The following MUSK variants were observed in gnomAD, a reference collection of about 807,000 sequenced individuals.
MUSK encodes the protein muscle associated receptor tyrosine kinase.
In MUSK, 55 loss-of-function variants were observed where a neutral mutation model predicts 88.7. The ratio of observed to expected loss-of-function variants is 0.62; its 90% CI spans 0.50 to 0.78. The LOEUF is 0.78. Ranked by LOEUF, MUSK falls within the 30% of genes least tolerant of loss-of-function variation. MUSK has a pLI of 0.00. For synonymous variants in MUSK, 387 were observed against 391.9 expected (o/e 0.99, Z 0.15); for missense variants, 1,015 against 1,074.3 (o/e 0.94, Z 0.77).
intron 6 of MUSK, among the ~76,000 whole-genome samples, chr9:110,743,046 C>T (rs1042555403): frequency 9.8e-5 from 15 of 152,290 alleles, no homozygotes; most frequent in African/African-American, 2.9e-4. Context: ...CAAAGACGAA[C>T]GCAGAGCTGG....
intron 2 of MUSK, among the ~76,000 whole-genome samples, chr9:110,686,492 C>A (rs1810602521): frequency 6.6e-6 from 1 of 152,136 alleles, no homozygotes; most frequent in Admixed American, 6.6e-5. Context: ...ATTGCTGCTT[C>A]TCTTCCTATT....
intron 9 of MUSK, among the ~76,000 whole-genome samples, chr9:110,769,364 A>G (rs2077533462): frequency 1.3e-5 from 2 of 152,154 alleles, no homozygotes; most frequent in South Asian, 2.1e-4. Flanking sequence ...GAGTAATATA[A>G]TTTGTTTATT....
rs144338094 is a variant in MUSK at position 110,674,587 on chromosome 9, A to AGAT, written c.79+5626_79+5628dup. On this transcript the variant is annotated intron_variant, in intron 1 of 14. Transcript: ENST00000374448. ...TTATTTCCTTAGGATAGATTCCCAGAGATGATGATGATGATGATGATGATA... is the reference window on the plus strand; with the variant it reads ...TTATTTCCTTAGGATAGATTCCCAGAGATGATGATGATGATGATGATGATGATA... Among the ~76,000 whole-genome samples the AGAT allele has an allele frequency of 2.9e-3, 439 of 151,858 alleles. 1 individual carries two copies. The highest frequency in any genetic ancestry group is 9.9e-3 in the African/African-American group (412 of 41,418).
chr9:110,731,779 T>C (rs1407460487), intron 5 of MUSK, among the ~76,000 whole-genome samples: 1 of 152,104 alleles, frequency 6.6e-6, no homozygotes, highest in Non-Finnish European at 1.5e-5. Flanking sequence ...GTTAAATTAA[T>C]TCCAAAGTCA....
At chr9:110,729,610 T>C (rs375016555) in intron 5 of MUSK, among the ~76,000 whole-genome samples, 1 of 152,024 alleles carries the variant, frequency 6.6e-6, no homozygotes, top group South Asian at 2.1e-4. Flanking sequence ...TTTTACCTGG[T>C]CCTATGTGAA....
chr9:110,786,310 C>CAAAA (rs60666436), intron 13 of MUSK, among the ~76,000 whole-genome samples: 1 of 75,494 alleles, frequency 1.3e-5, no homozygotes, highest in Admixed American at 1.5e-4. Context: ...GACTCTGTCT[C>CAAAA]AAAAAAAAAA....
chr9:110,804,855 CAGGT>C lies in MUSK; in HGVS notation c.*3873_*3876del, dbSNP rs2132079294. Reference sequence around the variant, plus strand: ...ATTCTTCCAGGCTTTTTCAGATAGACAGGTAGGTAAGTAGGTTGGTAGGTAAATA... The same window carrying C: ...ATTCTTCCAGGCTTTTTCAGATAGACAGGTAAGTAGGTTGGTAGGTAAATA... On this transcript the variant is annotated 3_prime_UTR_variant, in exon 15 of 15. Transcript: ENST00000374448. Among the ~76,000 whole-genome samples the C allele has an allele frequency of 6.6e-6, 1 of 151,822 alleles. No individual in the cohort carries two copies. The highest frequency in any genetic ancestry group is 2.1e-4 in the South Asian group (1 of 4,816).
chr9:110,685,591 T>C (rs918780695), intron 2 of MUSK, among the ~76,000 whole-genome samples: 9 of 152,196 alleles, frequency 5.9e-5, no homozygotes, highest in Non-Finnish European at 2.9e-5. Context: ...ACCATTCAGC[T>C]AAGTTCTCTG....
Position 110,721,679 on chromosome 9 carries a change from A to G in MUSK, c.629-12572A>G, listed in dbSNP as rs556188819. On this transcript the variant is annotated intron_variant, in intron 5 of 14. Transcript: ENST00000374448. ...ATGACCATACTGCCTAAAGCAATCT[A>G]TAATTCAATGCAATTCCCATGGAAA... Among the ~76,000 whole-genome samples, 4 of 152,302 alleles carry G rather than the reference A, an allele frequency of 2.6e-5. No individual in the cohort carries two copies. The South Asian group carries it at 8.3e-4, about 32-fold the overall frequency.
chr9:110,724,040 T>C (rs891345919), intron 5 of MUSK, among the ~76,000 whole-genome samples: 11 of 152,076 alleles, frequency 7.2e-5, no homozygotes, highest in Non-Finnish European at 1.6e-4. Context: ...GATTCATTAA[T>C]TCTTCACTTG....
chr9:110,736,292 A>T (rs2077029337), intron 6 of MUSK, among the ~76,000 whole-genome samples: 1 of 151,918 alleles, frequency 6.6e-6, no homozygotes, highest in African/African-American at 2.4e-5. Flanking sequence ...AAAATTTTAA[A>T]TTAAGAAACA....
intron 14 of MUSK, among the ~76,000 whole-genome samples, chr9:110,789,471 G>C (rs2077935333): frequency 2.6e-5 from 4 of 152,262 alleles, no homozygotes; most frequent in Admixed American, 1.3e-4. Context: ...GGAGAGAGTG[G>C]GAATTCATTT....
chr9:110,779,663 T>C (rs960495169), intron 11 of MUSK, among the ~76,000 whole-genome samples: 10 of 152,196 alleles, frequency 6.6e-5, no homozygotes, highest in African/African-American at 2.4e-4. Flanking sequence ...TTTATGAGTA[T>C]AGATTAAACT....
intron 13 of MUSK, among the ~76,000 whole-genome samples, chr9:110,786,598 T>G (rs2077871075): frequency 2.0e-5 from 3 of 152,166 alleles, no homozygotes; most frequent in African/African-American, 7.2e-5. Flanking sequence ...TTTCTTACAT[T>G]GTTTTAAATA....
At chr9:110,769,114 G>A (rs912276442) in intron 9 of MUSK, among the ~76,000 whole-genome samples, 4 of 152,092 alleles carry the variant, frequency 2.6e-5, no homozygotes, top group Non-Finnish European at 5.9e-5. Flanking sequence ...CACACTCATG[G>A]AATATGTCAG....
At chr9:110,720,694 A>G (rs1354819218) in intron 5 of MUSK, among the ~76,000 whole-genome samples, 1 of 152,174 alleles carries the variant, frequency 6.6e-6, no homozygotes, top group Non-Finnish European at 1.5e-5. Flanking sequence ...TCCTATTGAC[A>G]CTATTCCACA....
chr9:110,703,390 C>T (rs553322276), intron 5 of MUSK, among the ~76,000 whole-genome samples: 166 of 151,884 alleles, frequency 1.1e-3, no homozygotes, highest in African/African-American at 2.7e-3. Context: ...ATTAGCCGGG[C>T]GTGGTGGTGC....
At chr9:110,702,758 T>C (rs1035078289) in intron 5 of MUSK, among the ~76,000 whole-genome samples, 21 of 152,156 alleles carry the variant, frequency 1.4e-4, no homozygotes, top group African/African-American at 5.1e-4. Flanking sequence ...CCAGGTGTGG[T>C]GGTACATGCC....
chr9:110,669,685 C>T (rs2075932855), intron 1 of MUSK, among the ~76,000 whole-genome samples: 1 of 152,080 alleles, frequency 6.6e-6, no homozygotes, highest in African/African-American at 2.4e-5. Flanking sequence ...CAAGAATGTC[C>T]AGTGATATAG....
Sources: allele counts gnomAD v4.1 joint callset (sites outside exome capture counted in the v4.1 genomes callset), GRCh38; gene constraint gnomAD v4.1.1; transcripts MANE v1.5; gene names NCBI Gene and HGNC (gene_info 2026-07-23, HGNC 2026-07-21).